INSYN2B: variants seen among roughly 807,000 people sequenced by gnomAD.
INSYN2B encodes protein INSYN2B.
Under a neutral mutation model 41.2 loss-of-function variants are expected in INSYN2B, and 16 were observed. That is an observed-to-expected ratio of 0.39 (90% CI 0.26 to 0.59). INSYN2B has a LOEUF of 0.59. Among genes scored for constraint, INSYN2B ranks in the 20% least tolerant of loss-of-function variants. The pLI is 0.57. For synonymous variants in INSYN2B, 245 were observed against 244.4 expected (o/e 1.00, Z -0.02); for missense variants, 608 against 646.4 (o/e 0.94, Z 0.64).
intron 1 of INSYN2B, among the ~76,000 whole-genome samples, chr5:169,962,721 TAGAG>T (rs1347215820): frequency 1.3e-5 from 2 of 151,994 alleles, no homozygotes; most frequent in Admixed American, 6.5e-5. Flanking sequence ...TGATAACTCT[TAGAG>T]AGAAAGAGAA....
chr5:169,914,531 G>C (rs1335204814), intron 1 of INSYN2B, among the ~76,000 whole-genome samples: 1 of 152,202 alleles, frequency 6.6e-6, no homozygotes, highest in Non-Finnish European at 1.5e-5. Context: ...GGCTAAATCA[G>C]AATGTTAAAA....
intron 1 of INSYN2B, among the ~76,000 whole-genome samples, chr5:169,974,844 GAC>G (rs764215792): frequency 2.3e-4 from 34 of 149,656 alleles, no homozygotes; most frequent in Non-Finnish European, 3.5e-4. Context: ...CCCTCCCCCC[GAC>G]ACACACACAT....
chr5:169,882,669 G>T lies in INSYN2B; in HGVS notation c.1230C>A (p.Cys410Ter). 1 of 1,552,048 alleles carries T rather than the reference G, an allele frequency of 6.4e-7. No individual in the cohort carries two copies. Among genetic ancestry groups the T allele is most frequent in the Non-Finnish European group, 8.7e-7 (1 of 1,147,034 alleles). ...NQIHLARGEL[C>*]DLQGRLQSVE... ...CAGATTGCAGTCGGCCTTGGAGGTCGCAGAGTTCACCCCGTGCCAGGTGAA... is the reference window on the plus strand; with the variant it reads ...CAGATTGCAGTCGGCCTTGGAGGTCTCAGAGTTCACCCCGTGCCAGGTGAA... Residue 410 changes from cysteine to a stop codon, truncating the protein, a stop_gained, in exon 2 of 4, where the codon TGC (cysteine) becomes TGA (stop). Transcript: ENST00000377365. LOFTEE classifies it high-confidence loss of function.
intron 1 of INSYN2B, among the ~76,000 whole-genome samples, chr5:169,961,126 A>G (rs754620909): frequency 5.9e-5 from 9 of 152,206 alleles, no homozygotes; most frequent in Non-Finnish European, 7.3e-5. Flanking sequence ...TTGCAATTTC[A>G]TGCATGTAGG....
At chr5:169,979,590 G>A (rs1388670690) in intron 1 of INSYN2B, among the ~76,000 whole-genome samples, 2 of 152,238 alleles carry the variant, frequency 1.3e-5, no homozygotes, top group Non-Finnish European at 1.5e-5. Context: ...ATTTCCCACA[G>A]ATCTGATACC....
At chr5:169,946,124 A>C (rs1421740229) in intron 1 of INSYN2B, among the ~76,000 whole-genome samples, 1 of 152,170 alleles carries the variant, frequency 6.6e-6, no homozygotes, top group Non-Finnish European at 1.5e-5. Context: ...AGCACAGCAA[A>C]TATGAGGAAG....
chr5:169,963,199 G>A (rs968117091), intron 1 of INSYN2B, among the ~76,000 whole-genome samples: 4 of 152,168 alleles, frequency 2.6e-5, no homozygotes, highest in Non-Finnish European at 4.4e-5. Flanking sequence ...TCATAATGTT[G>A]CCTCTTTAAA....
At chr5:169,931,324 G>A (rs1775740798) in intron 1 of INSYN2B, among the ~76,000 whole-genome samples, 1 of 152,202 alleles carries the variant, frequency 6.6e-6, no homozygotes, top group South Asian at 2.1e-4. Context: ...TTCCAACAGT[G>A]GGTCAGTGGG....
chr5:169,886,130 C>T (rs1772955015), intron 1 of INSYN2B, among the ~76,000 whole-genome samples: 1 of 152,170 alleles, frequency 6.6e-6, no homozygotes, highest in Admixed American at 6.5e-5. Context: ...AAAAACCCCT[C>T]TTTTTCTTTA....
chr5:169,961,901 C>G (rs1218768099), intron 1 of INSYN2B, among the ~76,000 whole-genome samples: 1 of 139,114 alleles, frequency 7.2e-6, no homozygotes, highest in African/African-American at 2.8e-5. Context: ...ATCACTTGAA[C>G]CCAGGAGGCG....
chr5:169,900,384 C>T (rs1003257886), intron 1 of INSYN2B, among the ~76,000 whole-genome samples: 5 of 152,142 alleles, frequency 3.3e-5, no homozygotes, highest in East Asian at 1.9e-4. Flanking sequence ...TGAGTCTAGA[C>T]GTGAAATGGA....
chr5:169,974,931 C>A (rs541102268), intron 1 of INSYN2B, among the ~76,000 whole-genome samples: 1 of 152,088 alleles, frequency 6.6e-6, no homozygotes, highest in East Asian at 1.9e-4. Context: ...TGAATGATAA[C>A]CCCTCTCCTG....
chr5:169,954,245 G>T (rs1776777351), intron 1 of INSYN2B, among the ~76,000 whole-genome samples: 1 of 152,148 alleles, frequency 6.6e-6, no homozygotes, highest in Non-Finnish European at 1.5e-5. Context: ...AGCAATCGCT[G>T]GACATTTTTG....
At chr5:169,887,991 A>C (rs1773069802) in intron 1 of INSYN2B, among the ~76,000 whole-genome samples, 2 of 152,190 alleles carry the variant, frequency 1.3e-5, no homozygotes, top group Non-Finnish European at 2.9e-5. Flanking sequence ...ATGAGTGGAC[A>C]TTTTTTCACA....
Position 169,873,203 on chromosome 5 carries a change from C to T in INSYN2B, c.1421+8165G>A, listed in dbSNP as rs143833853. 5.2e-3 allele frequency among the ~76,000 whole-genome samples: 791 copies of T among 152,264 alleles called. 7 individuals are homozygous for T. Among genetic ancestry groups the T allele is most frequent in the African/African-American group, 0.016 (664 of 41,552 alleles). On this transcript the variant is annotated intron_variant, in intron 3 of 3. Transcript: ENST00000377365. The stretch of plus-strand genomic sequence containing the variant: ...TGTAAATCCTACTTCTTTTCCTTTA[C>T]ACTCTAGGGAGAAAAAGAAAGGGGT...
intron 1 of INSYN2B, among the ~76,000 whole-genome samples, chr5:169,942,684 C>G (rs1015117278): frequency 6.6e-6 from 1 of 152,134 alleles, no homozygotes; most frequent in Non-Finnish European, 1.5e-5. Context: ...GCCCTGCAAG[C>G]AGTACAGAGA....
intron 1 of INSYN2B, among the ~76,000 whole-genome samples, chr5:169,913,104 T>C (rs779873866): frequency 7.9e-5 from 12 of 152,242 alleles, no homozygotes; most frequent in Non-Finnish European, 1.8e-4. Flanking sequence ...TCTAGTTTCC[T>C]GTCATTTGAA....
chr5:169,877,238 A>C (rs989791133), intron 3 of INSYN2B, among the ~76,000 whole-genome samples: 1 of 152,218 alleles, frequency 6.6e-6, no homozygotes, highest in Non-Finnish European at 1.5e-5. Context: ...AGACTACCTG[A>C]ATCAGGACAA....
chr5:169,925,387 C>T (rs1034463220), intron 1 of INSYN2B, among the ~76,000 whole-genome samples: 1 of 152,100 alleles, frequency 6.6e-6, no homozygotes, highest in Non-Finnish European at 1.5e-5. Context: ...AAAGACCAGC[C>T]TGGCCAACAT....
Sources: gnomAD v4.1 joint callset for allele counts (sites outside exome capture counted in the v4.1 genomes callset) on GRCh38, gnomAD v4.1.1 for gene constraint, MANE v1.5 for transcripts, NCBI Gene and HGNC (gene_info 2026-07-23, HGNC 2026-07-21) for gene names.